Variants in ADAM28 observed in about 807,000 individuals in gnomAD.
The protein encoded by ADAM28 is disintegrin and metalloproteinase domain-containing protein 28.
A neutral mutation model predicts 101.2 loss-of-function variants in ADAM28; 105 were observed. The observed-to-expected ratio is 1.04, with a 90% CI of 0.89 to 1.22. The LOEUF (loss-of-function observed/expected upper bound fraction) is 1.22. Ranked by LOEUF, ADAM28 falls within the 50% of genes most tolerant of loss-of-function variation. The pLI is 0.00. For synonymous variants in ADAM28, 322 were observed against 310.6 expected (o/e 1.04, Z -0.39); for missense variants, 1,028 against 945.4 (o/e 1.09, Z -1.15).
chr8:24,305,792 G>A (rs1809528515), intron 2 of ADAM28, among the ~76,000 whole-genome samples: 1 of 152,024 alleles, frequency 6.6e-6, no homozygotes, highest in Non-Finnish European at 1.5e-5. Context: ...AATATATTAT[G>A]AGGCCTGATG....
intron 21 of ADAM28, 62 bp from the exon 22 acceptor site, chr8:24,353,708 A>C: frequency 2.8e-6 from 3 of 1,058,384 alleles, no homozygotes; most frequent in Non-Finnish European, 2.9e-6. Flanking sequence ...AAATAAATAT[A>C]GCTAAGATGG....
At chr8:24,295,325 A>T (rs1283127467) in intron 1 of ADAM28, among the ~76,000 whole-genome samples, 1 of 152,052 alleles carries the variant, frequency 6.6e-6, no homozygotes, top group Admixed American at 6.6e-5. Context: ...TTGCTTTGAT[A>T]CCTATTTTGT....
intron 8 of ADAM28, 190 bp downstream of exon 8, chr8:24,321,479 C>A: frequency 1.6e-6 from 1 of 611,032 alleles, no homozygotes; most frequent in Admixed American, 2.5e-5. Flanking sequence ...CACAAACCAA[C>A]ACTTTTCTTA....
chr8:24,326,748 A>G (rs1812673816), intron 10 of ADAM28, 113 bp downstream of exon 10: 1 of 925,538 alleles, frequency 1.1e-6, no homozygotes, highest in Admixed American at 2.6e-5. Context: ...GACATGGTAA[A>G]TAACACTGAT....
intron 14 of ADAM28, among the ~76,000 whole-genome samples, chr8:24,337,206 G>C (rs62502748): frequency 0.18 from 26,802 of 152,182 alleles, 2,490 homozygotes; most frequent in East Asian, 0.35. Context: ...CCTGGAACCA[G>C]GCCTCAGCAA....
intron 6 of ADAM28, among the ~76,000 whole-genome samples, chr8:24,315,886 C>G (rs1236741903): frequency 6.6e-6 from 1 of 151,796 alleles, no homozygotes; most frequent in Non-Finnish European, 1.5e-5. Context: ...TCAATTATAT[C>G]AACAGACTGA....
intron 1 of ADAM28, 105 bp downstream of exon 1, chr8:24,294,300 T>C: frequency 7.3e-7 from 1 of 1,367,382 alleles, no homozygotes; most frequent in Non-Finnish European, 1.0e-6. Flanking sequence ...TTTCTTTTTC[T>C]TTTTTCTCAA....
At position 24,313,407 on chromosome 8, in the gene ADAM28, G is replaced by T; in HGVS notation, c.403G>T (p.Asp135Tyr). Reference sequence around the variant, plus strand: ...TTTCAGGGGCTACTTCAGTCAGGGGGATCAAAGATACTTTATTGAACCTTT... The same window carrying T: ...TTTCAGGGGCTACTTCAGTCAGGGGTATCAAAGATACTTTATTGAACCTTT... ...RGLRGYFSQG[D>Y]QRYFIEPLSP... Residue 135 changes from aspartate (D) to tyrosine (Y), a missense_variant, in exon 6 of 23, where the codon GAT becomes TAT. By Grantham distance (160) the Asp-to-Tyr change is radical. Coordinates refer to ENST00000265769, the MANE Select transcript of ADAM28 (RefSeq NM_014265.6). 6.2e-7 allele frequency: 1 copy of T among 1,611,778 alleles called. No individual in the cohort carries two copies. The highest frequency in any genetic ancestry group is 8.5e-7 in the Non-Finnish European group (1 of 1,179,114).
chr8:24,306,371 TATATATATATATATTTAAAA>T (rs1310952783), intron 2 of ADAM28, among the ~76,000 whole-genome samples: 2 of 136,930 alleles, frequency 1.5e-5, no homozygotes, highest in Non-Finnish European at 3.1e-5. Context: ...TAAATATATA[TATATATATATATATTTAAAA>T]ATATATATAT....
chr8:24,317,326 A>T (rs978501303), intron 6 of ADAM28, among the ~76,000 whole-genome samples: 2 of 152,094 alleles, frequency 1.3e-5, no homozygotes, highest in Non-Finnish European at 2.9e-5. Flanking sequence ...ATAATGGCAT[A>T]AAACCAGACA....
rs945680722 is a variant in ADAM28 at position 24,330,019 on chromosome 8, C to A, written c.1007C>A (p.Thr336Lys). ...HSDNLLRVAG[T>K]MAHEMGHNFG... ...GATAATCTTCTTAGAGTTGCAGGGA[C>A]AATGGCACATGAAATGGGCCACAAC... Residue 336 changes from threonine (T) to lysine (K), a missense_variant, in exon 11 of 23, where the codon ACA (threonine) becomes AAA (lysine). Thr to Lys is a moderately conservative substitution (Grantham distance 78). Coordinates refer to ENST00000265769, the MANE Select transcript of ADAM28 (RefSeq NM_014265.6). 4.3e-6 allele frequency: 7 copies of A among 1,613,546 alleles called. No individual in the cohort carries two copies. Among genetic ancestry groups the A allele is most frequent in the Admixed American group, 1.7e-5 (1 of 59,972 alleles).
intron 1 of ADAM28, among the ~76,000 whole-genome samples, chr8:24,299,431 T>C (rs968430095): frequency 3.3e-5 from 5 of 149,562 alleles, no homozygotes; most frequent in Admixed American, 6.8e-5. Context: ...TCTATGAACC[T>C]AGTATTGGAG....
chr8:24,297,023 G>T (rs1005863495), intron 1 of ADAM28, among the ~76,000 whole-genome samples: 1 of 152,112 alleles, frequency 6.6e-6, no homozygotes, highest in Non-Finnish European at 1.5e-5. Context: ...GAAAATAAGA[G>T]CCTTTAAGAG....
rs113045302 is a variant in ADAM28 at position 24,326,305 on chromosome 8, T to A, written c.891-249T>A. ...TCTTCACAAGGGATACATCTCACAATGAAAAGTGTTATAATCAGAAATGAT... is the reference window on the plus strand; with the variant it reads ...TCTTCACAAGGGATACATCTCACAAAGAAAAGTGTTATAATCAGAAATGAT... On this transcript the variant is annotated intron_variant, in intron 9 of 22. Transcript: ENST00000265769. 1.4e-3 allele frequency among the ~76,000 whole-genome samples: 208 copies of A among 152,086 alleles called. 3 individuals carry two copies. The highest frequency in any genetic ancestry group is 4.8e-3 in the African/African-American group (199 of 41,536).
chr8:24,296,784 G>A (rs1012985949), intron 1 of ADAM28, among the ~76,000 whole-genome samples: 1 of 152,174 alleles, frequency 6.6e-6, no homozygotes, highest in African/African-American at 2.4e-5. Flanking sequence ...AAAACATATT[G>A]TGTTACACCT....
At chr8:24,330,341 C>T (rs1347485904) in intron 11 of ADAM28, among the ~76,000 whole-genome samples, 1 of 152,134 alleles carries the variant, frequency 6.6e-6, no homozygotes, top group African/African-American at 2.4e-5. Flanking sequence ...TTATCCTCAT[C>T]TTATCTATAC....
At chr8:24,346,113 C>T (rs1364524611) in intron 18 of ADAM28, among the ~76,000 whole-genome samples, 2 of 152,026 alleles carry the variant, frequency 1.3e-5, no homozygotes, top group African/African-American at 2.4e-5. Flanking sequence ...ACAATTTTTA[C>T]TATAGCTATG....
At chr8:24,352,288 C>G (rs1483772084) in intron 21 of ADAM28, among the ~76,000 whole-genome samples, 1 of 152,158 alleles carries the variant, frequency 6.6e-6, no homozygotes, top group Non-Finnish European at 1.5e-5. Context: ...AATAGAGTAC[C>G]ACTGTTTTCA....
intron 4 of ADAM28, among the ~76,000 whole-genome samples, chr8:24,310,661 T>C (rs1350445912): frequency 6.6e-6 from 1 of 152,164 alleles, no homozygotes; most frequent in Non-Finnish European, 1.5e-5. Context: ...AGCCCATCTT[T>C]TCTTAGACTG....
Sources: allele counts gnomAD v4.1 joint callset (sites outside exome capture counted in the v4.1 genomes callset), GRCh38; gene constraint gnomAD v4.1.1; transcripts MANE v1.5; gene names NCBI Gene and HGNC (gene_info 2026-07-23, HGNC 2026-07-21).